GLDN: variants seen among roughly 807,000 people sequenced by gnomAD.
GLDN encodes gliomedin.
Under a neutral mutation model 56.5 loss-of-function variants are expected in GLDN, and 47 were observed. The observed-to-expected ratio is 0.83, with a 90% CI of 0.66 to 1.06. The LOEUF is 1.06. Ranked by LOEUF, GLDN falls within the 50% of genes least tolerant of loss-of-function variation. The pLI is 0.00. For synonymous variants in GLDN, 332 were observed against 278.8 expected (o/e 1.19, Z -1.90); for missense variants, 782 against 714.3 (o/e 1.09, Z -1.08).
In GLDN at chr15:51,405,089, A is replaced by T; in HGVS notation, c.*335A>T. On this transcript the variant is annotated 3_prime_UTR_variant, in exon 10 of 10. Coordinates refer to ENST00000335449, the MANE Select transcript of GLDN (RefSeq NM_181789.4). The stretch of plus-strand genomic sequence containing the variant: ...ATTCTTGGTGGCTGCTCTTCTCACA[A>T]CTTTTATGTATCTGCTTCTGTCGTT... 4 of 229,166 alleles carry T rather than the reference A, an allele frequency of 1.7e-5. No individual in the cohort carries two copies. The highest frequency in any genetic ancestry group is 7.7e-5 in the South Asian group (1 of 13,020). 14.2% of individuals were successfully genotyped at this position (229,166 alleles called of 1,614,324 possible). A position where few individuals can be genotyped will look rare whatever the true frequency, so the allele number is the denominator to read the frequency against.
chr15:51,361,450 G>C (rs2037298645), intron 1 of GLDN, among the ~76,000 whole-genome samples: 1 of 152,030 alleles, frequency 6.6e-6, no homozygotes, highest in Non-Finnish European at 1.5e-5. Flanking sequence ...GCCATACTAA[G>C]AGTTTTAGAG....
chr15:51,344,490 A>T (rs891789725), intron 1 of GLDN, among the ~76,000 whole-genome samples: 5 of 152,216 alleles, frequency 3.3e-5, no homozygotes, highest in Non-Finnish European at 5.9e-5. Flanking sequence ...ACAATTTTAT[A>T]AAAAACATCA....
At chr15:51,361,649 C>T (rs73395914) in intron 1 of GLDN, among the ~76,000 whole-genome samples, 16,559 of 152,158 alleles carry the variant, frequency 0.11, 1,669 homozygotes, top group African/African-American at 0.26. Context: ...CAAGAAACAG[C>T]GTGAACAAAA....
intron 1 of GLDN, among the ~76,000 whole-genome samples, chr15:51,372,200 G>A (rs1466823663): frequency 6.6e-6 from 1 of 152,118 alleles, no homozygotes; most frequent in African/African-American, 2.4e-5. Context: ...ATCCATGAAT[G>A]GATTAATCCA....
downstream of GLDN, among the ~76,000 whole-genome samples, chr15:51,412,753 A>G (rs545184770): frequency 6.6e-6 from 1 of 152,224 alleles, no homozygotes; most frequent in East Asian, 1.9e-4. Flanking sequence ...GGATTAGTAA[A>G]CTACAGCCTG....
At chr15:51,350,102 T>A (rs2037049262) in intron 1 of GLDN, among the ~76,000 whole-genome samples, 1 of 152,092 alleles carries the variant, frequency 6.6e-6, no homozygotes, top group Non-Finnish European at 1.5e-5. Context: ...CTTGGTTAAC[T>A]CTGGGGTCTA....
intron 9 of GLDN, 120 bp downstream of exon 9, chr15:51,401,863 C>T (rs2038259795): frequency 2.4e-6 from 2 of 845,216 alleles, no homozygotes; most frequent in South Asian, 3.6e-5. Context: ...AGGGCTGACA[C>T]ACTGAGGTCA....
At chr15:51,377,115 C>T (rs1052102851) in intron 1 of GLDN, 3 of 325,512 alleles carry the variant, frequency 9.2e-6, no homozygotes, top group African/African-American at 4.2e-5. Flanking sequence ...CATAATTGTA[C>T]GTGCTATGCT....
At chr15:51,379,777 T>G (rs1339533576) in intron 2 of GLDN, among the ~76,000 whole-genome samples, 1 of 152,178 alleles carries the variant, frequency 6.6e-6, no homozygotes, top group African/African-American at 2.4e-5. Flanking sequence ...ACAGTTAGCA[T>G]GAGCTACATA....
At chr15:51,390,268 A>C (rs555183372) in intron 4 of GLDN, among the ~76,000 whole-genome samples, 2 of 152,304 alleles carry the variant, frequency 1.3e-5, no homozygotes, top group African/African-American at 4.8e-5. Context: ...GGTGTTAGCT[A>C]TTATTGTTGT....
chr15:51,367,703 A>G (rs994872319), intron 1 of GLDN, among the ~76,000 whole-genome samples: 1 of 152,144 alleles, frequency 6.6e-6, no homozygotes, highest in Admixed American at 6.5e-5. Context: ...AGTGAATACT[A>G]TGGTTTCCCC....
At chr15:51,346,060 C>G (rs2036973292) in intron 1 of GLDN, among the ~76,000 whole-genome samples, 1 of 151,986 alleles carries the variant, frequency 6.6e-6, no homozygotes, top group Non-Finnish European at 1.5e-5. Flanking sequence ...AATATTTAAA[C>G]CAAATGGTAA....
At chr15:51,380,243 G>A (rs79016621) in intron 2 of GLDN, among the ~76,000 whole-genome samples, 1 of 152,038 alleles carries the variant, frequency 6.6e-6, no homozygotes, top group Non-Finnish European at 1.5e-5. Flanking sequence ...ATTTCTAGAC[G>A]GCGACTGCAG....
intron 1 of GLDN, among the ~76,000 whole-genome samples, chr15:51,345,052 C>T (rs979652921): frequency 2.1e-4 from 32 of 152,090 alleles, no homozygotes; most frequent in Admixed American, 1.0e-3. Context: ...ATCTGGTGAG[C>T]GGGGAGAGAG....
intron 1 of GLDN, among the ~76,000 whole-genome samples, chr15:51,350,511 G>A (rs772748387): frequency 9.2e-5 from 14 of 152,182 alleles, no homozygotes; most frequent in Non-Finnish European, 1.9e-4. Context: ...TCAGTGCTGT[G>A]TACTCTGAGC....
At chr15:51,396,902 C>T (rs1473797848) in intron 5 of GLDN, among the ~76,000 whole-genome samples, 1 of 152,188 alleles carries the variant, frequency 6.6e-6, no homozygotes, top group African/African-American at 2.4e-5. Context: ...CGTGTTTTGA[C>T]AGGGTAATAT....
chr15:51,342,979 T>C (rs1290799443), intron 1 of GLDN, among the ~76,000 whole-genome samples: 2 of 152,258 alleles, frequency 1.3e-5, no homozygotes, highest in African/African-American at 2.4e-5. Context: ...TTTAATTCAA[T>C]AGGTATTTAA....
At position 51,407,147 on chromosome 15, in the gene GLDN, ACTTTTTTTCTTTTTT is replaced by A. The variant is rs1478535243; in HGVS notation, c.*2402_*2416del. On this transcript the variant is annotated 3_prime_UTR_variant, in exon 10 of 10. Coordinates refer to ENST00000335449, the MANE Select transcript of GLDN (RefSeq NM_181789.4). ...CACCACTGGAGAAGCTTACACCGGG[ACTTTTTTTCTTTTTT>A]CTTTTTTTTTTGCTATGACAGAGTA... 4 of 151,584 alleles carry A rather than the reference ACTTTTTTTCTTTTTT, an allele frequency of 2.6e-5. No homozygotes were observed. Among genetic ancestry groups the A allele is most frequent in the African/African-American group, 9.7e-5 (4 of 41,250 alleles). The allele number at this position is 151,584 out of a possible 1,614,324, so 9.4% of individuals were successfully genotyped here.
rs758975927 is a variant in GLDN, at chr15:51,404,457, T to C, written c.1359T>C (p.Asp453=). ...DGSSILVAQL[D]ERTFSVVQHV... ...CGAGCATTCTTGTAGCACAACTGGA[T>C]GAGAGGACATTCTCAGTGGTGCAAC... Residue 453 remains aspartate (D), a synonymous_variant, in exon 10 of 10, where the codon GAT becomes GAC. Transcript: ENST00000335449. The C allele has an allele frequency of 6.2e-6, 10 of 1,614,218 alleles. No individual in the cohort carries two copies. Among genetic ancestry groups the C allele is most frequent in the Admixed American group, 3.3e-5 (2 of 60,022 alleles).
Sources: gnomAD v4.1 joint callset for allele counts (sites outside exome capture counted in the v4.1 genomes callset) on GRCh38, gnomAD v4.1.1 for gene constraint, MANE v1.5 for transcripts, NCBI Gene and HGNC (gene_info 2026-07-23, HGNC 2026-07-21) for gene names.